Variants in PRKAR1B observed in about 807,000 individuals in gnomAD.
The protein encoded by PRKAR1B is protein kinase cAMP-dependent type I regulatory subunit beta.
PRKAR1B carries 22 observed loss-of-function variants against 46.5 expected under a neutral mutation model. The ratio of observed to expected loss-of-function variants is 0.47; its 90% CI spans 0.34 to 0.68. The LOEUF (loss-of-function observed/expected upper bound fraction) is 0.68. Among genes scored for constraint, PRKAR1B ranks in the 30% least tolerant of loss-of-function variants. The pLI is 0.01. For missense variants in PRKAR1B, 445 were observed against 535.6 expected (o/e 0.83, Z 1.67); for synonymous variants, 259 against 217.7 (o/e 1.19, Z -1.67).
chr7:688,546 C>A (rs958767689), intron 2 of PRKAR1B, among the ~76,000 whole-genome samples: 1 of 152,342 alleles, frequency 6.6e-6, no homozygotes, highest in African/African-American at 2.4e-5. Flanking sequence ...ATACCCCTCA[C>A]CTGCCCCAGG....
intron 9 of PRKAR1B, among the ~76,000 whole-genome samples, chr7:563,210 C>T (rs1329792453): frequency 2.0e-5 from 3 of 152,200 alleles, no homozygotes; most frequent in African/African-American, 4.8e-5. Context: ...GCTGATGCCC[C>T]GTGCCCTCGG....
Position 685,330 on chromosome 7 carries a change from A to T in PRKAR1B, c.178-4604T>A, listed in dbSNP as rs1562615845. ...TACGTATATATACGTATATATACGT[A>T]TATATACGTATATATATGTATACAT... On this transcript the variant is annotated intron_variant, in intron 2 of 10. Coordinates refer to ENST00000537384, the MANE Select transcript of PRKAR1B (RefSeq NM_001164760.2). Among the ~76,000 whole-genome samples the T allele has an allele frequency of 5.5e-5, 5 of 90,656 alleles. No homozygotes were observed. The Admixed American group carries it at 5.8e-4, about 11-fold the overall frequency. 59.5% of individuals were successfully genotyped at this position (90,656 alleles called of 152,430 possible).
Position 619,733 on chromosome 7 carries a change from C to G in PRKAR1B, c.441-12281G>C, listed in dbSNP as rs144606080. 3.2e-3 allele frequency among the ~76,000 whole-genome samples: 484 copies of G among 152,378 alleles called. 10 individuals carry two copies. In the East Asian group the frequency reaches 0.052, roughly 17 times the overall value. On this transcript the variant is annotated intron_variant, in intron 4 of 10. Coordinates refer to ENST00000537384, the MANE Select transcript of PRKAR1B (RefSeq NM_001164760.2). Reference sequence around the variant, plus strand: ...TTTATGATCAAGGCCTCCTGCTGAGCCTCAGCTCTTGGTAGGAGAAGTCCC... The same window carrying G: ...TTTATGATCAAGGCCTCCTGCTGAGGCTCAGCTCTTGGTAGGAGAAGTCCC...
At chr7:559,903 C>G (rs937684898) in intron 9 of PRKAR1B, among the ~76,000 whole-genome samples, 3 of 152,144 alleles carry the variant, frequency 2.0e-5, no homozygotes, top group African/African-American at 7.2e-5. Flanking sequence ...TGGCAAGACC[C>G]CATCTCTACA....
chr7:608,682 G>C (rs1167491872), intron 4 of PRKAR1B, among the ~76,000 whole-genome samples: 4 of 129,088 alleles, frequency 3.1e-5, no homozygotes, highest in Non-Finnish European at 6.6e-5. Context: ...TGGCAGGGTT[G>C]TAGGGAGGGC....
At chr7:633,275 G>A (rs1465392702) in intron 4 of PRKAR1B, among the ~76,000 whole-genome samples, 1 of 152,198 alleles carries the variant, frequency 6.6e-6, no homozygotes, top group Non-Finnish European at 1.5e-5. Context: ...GTGACTCCAT[G>A]TGCGTATTTG....
intron 7 of PRKAR1B, among the ~76,000 whole-genome samples, chr7:594,501 T>G (rs1205541460): frequency 6.6e-6 from 1 of 152,062 alleles, no homozygotes; most frequent in African/African-American, 2.4e-5. Context: ...GGCCCAGCGG[T>G]CATGGCTAGG....
chr7:696,992 C>T (rs116881138), intron 2 of PRKAR1B: 3,558 of 152,446 alleles, frequency 0.023, 61 homozygotes, highest in Non-Finnish European at 0.036. Context: ...ATTTTGCAGC[C>T]CCCACTTCCT....
chr7:711,388 T>C lies in PRKAR1B; in HGVS notation c.118A>G (p.Ile40Val), dbSNP rs61732492. Reference sequence around the variant, plus strand: ...TTCATGGGGCGTTCGGGCTTGGAGATGCAGAGGTGGACGATACAGTCTTTG... The same window carrying C: ...TTCATGGGGCGTTCGGGCTTGGAGACGCAGAGGTGGACGATACAGTCTTTG... Reference protein sequence around the residue: ...VLKDCIVHLCISKPERPMKFL... With the variant: ...VLKDCIVHLCVSKPERPMKFL... The change falls in exon 2 of 11, where the codon ATC becomes GTC. Residue 40 changes from isoleucine to valine, a missense_variant. Physicochemically the swap from Ile to Val is conservative, Grantham distance 29. Transcript: ENST00000537384. The C allele has an allele frequency of 5.1e-3, 8,206 of 1,614,222 alleles. 125 individuals carry two copies. The highest frequency in any genetic ancestry group is 0.047 in the African/African-American group (3,536 of 75,074).
chr7:726,577 G>T (rs1035465177), intron 1 of PRKAR1B: 5 of 588,048 alleles, frequency 8.5e-6, no homozygotes, highest in African/African-American at 1.9e-5. Context: ...GGGCGAGCAC[G>T]ACAAGAGCAC....
rs1785915698 is a variant in PRKAR1B, at chr7:666,169, G to A, written c.440+11060C>T. ...CAGGCGCCCTAATCAGGGAAAGCCGGGAAGGGACCGGGATAGAACCCAAGG... is the reference window on the plus strand; with the variant it reads ...CAGGCGCCCTAATCAGGGAAAGCCGAGAAGGGACCGGGATAGAACCCAAGG... On this transcript the variant is annotated intron_variant, in intron 4 of 10. Coordinates refer to ENST00000537384, the MANE Select transcript of PRKAR1B (RefSeq NM_001164760.2). This position sits in a 1 kb window ranked among gnomAD's most constrained non-coding sequence, Gnocchi z 4.9. Among the ~76,000 whole-genome samples the A allele has an allele frequency of 6.6e-6, 1 of 152,224 alleles. No individual in the cohort carries two copies. The highest frequency in any genetic ancestry group is 1.5e-5 in the Non-Finnish European group (1 of 68,040).
intron 4 of PRKAR1B, among the ~76,000 whole-genome samples, chr7:629,074 CAGA>C (rs765743568): frequency 6.6e-6 from 1 of 152,244 alleles, no homozygotes; most frequent in Non-Finnish European, 1.5e-5. Flanking sequence ...CCGCTCCGTG[CAGA>C]AGATGAGAAG....
chr7:606,810 C>T (rs1335529354), intron 5 of PRKAR1B, among the ~76,000 whole-genome samples: 1 of 149,826 alleles, frequency 6.7e-6, no homozygotes, highest in African/African-American at 2.5e-5. Context: ...TTTTATATTA[C>T]TTTAGTTTTA....
intron 2 of PRKAR1B, among the ~76,000 whole-genome samples, chr7:711,098 G>A (rs906721342): frequency 1.3e-5 from 2 of 152,316 alleles, no homozygotes; most frequent in Non-Finnish European, 1.5e-5. Context: ...GGGGAATTCT[G>A]TGGCTCAGAG....
chr7:563,604 G>A (rs1190414159), intron 9 of PRKAR1B, among the ~76,000 whole-genome samples: 1 of 152,054 alleles, frequency 6.6e-6, no homozygotes, highest in Non-Finnish European at 1.5e-5. Context: ...GTTATTGTGT[G>A]CACAGGTATG....
At chr7:717,087 T>G (rs572014296) in intron 1 of PRKAR1B, among the ~76,000 whole-genome samples, 14 of 152,236 alleles carry the variant, frequency 9.2e-5, no homozygotes, top group Admixed American at 6.5e-4. Context: ...GGCCAGGAGT[T>G]CGAGACCAGC....
At chr7:579,063 G>A (rs769150667) in intron 9 of PRKAR1B, 193 bp downstream of exon 9, 86 of 985,360 alleles carry the variant, frequency 8.7e-5, no homozygotes, top group Non-Finnish European at 1.0e-4. Flanking sequence ...GATGCTAGAG[G>A]GCAGGAGGAA....
chr7:607,495 G>A (rs749324714), intron 4 of PRKAR1B, 43 bp from the exon 5 acceptor site: 3 of 1,553,696 alleles, frequency 1.9e-6, no homozygotes, highest in Non-Finnish European at 2.7e-6. Context: ...AGGCAGCACA[G>A]GGACATTTAA....
chr7:584,368 G>A lies in PRKAR1B; in HGVS notation c.769+140C>T. The A allele has an allele frequency of 4.4e-6, 3 of 682,288 alleles. No homozygotes were observed. The Admixed American group carries it at 6.8e-5, about 16-fold the overall frequency. 42.3% of individuals were successfully genotyped at this position (682,288 alleles called of 1,614,324 possible). On this transcript the variant is annotated intron_variant, in intron 8 of 10. Transcript: ENST00000537384. Reference sequence around the variant, plus strand: ...TGTGCACGTGTCTGTGCGTGAGCATGCCTGTGTGTTGCACCCCAAACCTCC... The same window carrying A: ...TGTGCACGTGTCTGTGCGTGAGCATACCTGTGTGTTGCACCCCAAACCTCC...
Sources: allele counts gnomAD v4.1 joint callset (sites outside exome capture counted in the v4.1 genomes callset), GRCh38; gene constraint gnomAD v4.1.1; non-coding constraint Gnocchi (gnomAD v3.1); transcripts MANE v1.5; gene names NCBI Gene and HGNC (gene_info 2026-07-23, HGNC 2026-07-21).